Variants in CRYBB2 observed in about 807,000 individuals in gnomAD.
The protein encoded by CRYBB2 is crystallin beta B2, also known as beta-crystallin B2.
Under a neutral mutation model 24.3 loss-of-function variants are expected in CRYBB2, and 12 were observed. The ratio of observed to expected loss-of-function variants is 0.49; its 90% CI spans 0.32 to 0.80. The LOEUF is 0.80. CRYBB2 is among the 30% of genes least tolerant of loss of function. The pLI is 0.04. For synonymous variants in CRYBB2, 98 were observed against 101.6 expected (o/e 0.96, Z 0.21); for missense variants, 198 against 268.5 (o/e 0.74, Z 1.83).
intron 2 of CRYBB2, among the ~76,000 whole-genome samples, chr22:25,223,197 A>G (rs1003046542): frequency 6.6e-6 from 1 of 152,134 alleles, no homozygotes; most frequent in Admixed American, 6.6e-5. Flanking sequence ...ACTGCATTTG[A>G]TCAAGATCCC....
chr22:25,220,445 A>C (rs529474763), intron 1 of CRYBB2, among the ~76,000 whole-genome samples: 2 of 152,272 alleles, frequency 1.3e-5, no homozygotes, highest in African/African-American at 4.8e-5. Flanking sequence ...GTCTGTGAAC[A>C]CTCAGGACTG....
At position 25,231,829 on chromosome 22, in the gene CRYBB2, C is replaced by T; in HGVS notation, c.*57C>T. Reference sequence around the variant, plus strand: ...CCAGGTCTGCTGCCCAGGAACCCTCCAGACCTCCCAGAGAGTGAATAAAGT... The same window carrying T: ...CCAGGTCTGCTGCCCAGGAACCCTCTAGACCTCCCAGAGAGTGAATAAAGT... On this transcript the variant is annotated 3_prime_UTR_variant, in exon 6 of 6. Transcript: ENST00000398215. 6.6e-7 allele frequency: 1 copy of T among 1,516,264 alleles called. No homozygotes were observed. The highest frequency in any genetic ancestry group is 1.1e-5 in the South Asian group (1 of 89,112). 93.9% of individuals were successfully genotyped at this position (1,516,264 alleles called of 1,614,324 possible).
At chr22:25,226,537 A>G (rs974353266) in intron 3 of CRYBB2, among the ~76,000 whole-genome samples, 2 of 152,236 alleles carry the variant, frequency 1.3e-5, no homozygotes, top group Non-Finnish European at 2.9e-5. Flanking sequence ...GTAACAGTCC[A>G]TGATTGAATA....
chr22:25,224,877 C>G (rs1444727435), intron 2 of CRYBB2, 41 bp from the exon 3 acceptor site: 10 of 1,125,844 alleles, frequency 8.9e-6, no homozygotes, highest in Non-Finnish European at 1.4e-5. Context: ...TCTCACTCCT[C>G]TTCATCGTGA....
upstream of CRYBB2, among the ~76,000 whole-genome samples, chr22:25,218,806 G>GAA (rs1261661171): frequency 3.4e-5 from 4 of 116,868 alleles, no homozygotes; most frequent in Non-Finnish European, 5.2e-5. Flanking sequence ...AAGAAAGAAA[G>GAA]AAAGAAAGAA....
chr22:25,223,886 C>T (rs1232142552), intron 2 of CRYBB2, among the ~76,000 whole-genome samples: 4 of 151,934 alleles, frequency 2.6e-5, no homozygotes, highest in South Asian at 2.1e-4. Flanking sequence ...TTTGGGAGGC[C>T]GAGGCAGGCA....
exon 1 of CRYBB2, chr22:25,212,706 C>T (rs1366769096): frequency 6.6e-6 from 1 of 152,152 alleles, no homozygotes; most frequent in Non-Finnish European, 1.5e-5. Flanking sequence ...TGCCTATGTG[C>T]CTGGAAACTC....
chr22:25,228,981 C>G (rs867420200), intron 4 of CRYBB2, among the ~76,000 whole-genome samples: 2 of 147,140 alleles, frequency 1.4e-5, no homozygotes, highest in East Asian at 4.0e-4. Flanking sequence ...TGTGTGTGCA[C>G]GCATGTGTGG....
At position 25,221,478 on chromosome 22, in the gene CRYBB2, C is replaced by T. The variant is rs1935319765; in HGVS notation, c.49C>T (p.Pro17Ser). The T allele has an allele frequency of 6.2e-7, 1 of 1,612,590 alleles. No homozygotes were observed. Among genetic ancestry groups the T allele is most frequent in the Non-Finnish European group, 8.5e-7 (1 of 1,178,586 alleles). Residue 17 changes from proline (P) to serine (S), a missense_variant, in exon 2 of 6, where the codon CCC becomes TCC. Transcript: ENST00000398215. ...TQAGKPQSLN[P>S]KIIIFEQENF... ...GGCGGGCAAGCCACAGTCCCTCAAC[C>T]CCAAGGTGGGTACCTCTCAGAGGAG...
chr22:25,218,782 GAAAGAAAGAAAGAAAGAAAGAAAGAAAGA>G (rs1935253832), upstream of CRYBB2, among the ~76,000 whole-genome samples: 1 of 38,790 alleles, frequency 2.6e-5, no homozygotes, highest in South Asian at 1.4e-3. Flanking sequence ...AGAGAGAGAA[GAAAGAAAGAAAGAAAGAAAGAAAGAAAGA>G]AAGAAAGAAA....
At chr22:25,221,540 C>A in intron 2 of CRYBB2, 57 bp downstream of exon 2, 2 of 1,385,594 alleles carry the variant, frequency 1.4e-6, no homozygotes, top group Non-Finnish European at 1.0e-6. Flanking sequence ...CTTAGTTGCC[C>A]TTCTGTAAAA....
intron 1 of CRYBB2, chr22:25,213,331 G>A (rs1935129117): frequency 6.6e-6 from 1 of 152,008 alleles, no homozygotes; most frequent in Non-Finnish European, 1.5e-5. Flanking sequence ...TCTCCTCGTG[G>A]GAGCAAGAAG....
chr22:25,224,903 C>G lies in CRYBB2; in HGVS notation c.55-15C>G. 1 of 1,389,808 alleles carries G rather than the reference C, an allele frequency of 7.2e-7. No homozygotes were observed. The highest frequency in any genetic ancestry group is 1.0e-6 in the Non-Finnish European group (1 of 975,192). 86.1% of individuals were successfully genotyped at this position (1,389,808 alleles called of 1,614,324 possible). On this transcript the variant is annotated splice_polypyrimidine_tract_variant and intron_variant, in intron 2 of 5. Transcript: ENST00000398215. ...TTCATCGTGATGAGGGTCTGAGTCTCGCTTCCTCTTGCAGATCATCATCTT... is the reference window on the plus strand; with the variant it reads ...TTCATCGTGATGAGGGTCTGAGTCTGGCTTCCTCTTGCAGATCATCATCTT...
intron 4 of CRYBB2, among the ~76,000 whole-genome samples, chr22:25,229,029 TGCGTGC>T (rs1286884818): frequency 2.7e-5 from 4 of 145,664 alleles, no homozygotes; most frequent in Non-Finnish European, 4.5e-5. Flanking sequence ...TGCACGTGTG[TGCGTGC>T]GTGTGTGCAA....
At chr22:25,218,701 A>G (rs12160307), upstream of CRYBB2, among the ~76,000 whole-genome samples, 190 of 48,834 alleles carry the variant, frequency 3.9e-3, 1 homozygote, top group East Asian at 0.073. Flanking sequence ...AGAGAGAGAG[A>G]GAGGGGGAGA....
rs760354646 is a variant in CRYBB2 at position 25,225,020 on chromosome 22, C to G, written c.157C>G (p.Leu53Val). ...ETGVEKAGSV[L>V]VQAGPWVGYE... ...TGGCGTGGAGAAGGCAGGTTCTGTC[C>G]TAGTGCAGGCTGGACCGTAAGTACC... Residue 53 changes from leucine (L) to valine (V), a missense_variant, in exon 3 of 6, where the codon CTA becomes GTA. Leu to Val is a conservative substitution (Grantham distance 32). Transcript: ENST00000398215. 8.7e-6 allele frequency: 14 copies of G among 1,601,952 alleles called. No individual in the cohort carries two copies. Among genetic ancestry groups the G allele is most frequent in the Non-Finnish European group, 1.2e-5 (14 of 1,168,808 alleles).
At chr22:25,213,382 A>G (rs961538161) in intron 1 of CRYBB2, 4 of 152,138 alleles carry the variant, frequency 2.6e-5, no homozygotes, top group African/African-American at 9.7e-5. Flanking sequence ...CTCTCTATGT[A>G]TCTGTCAGGC....
chr22:25,218,814 G>GAAAGAA (rs1555888312), upstream of CRYBB2, among the ~76,000 whole-genome samples: 2 of 126,336 alleles, frequency 1.6e-5, no homozygotes, highest in Admixed American at 1.5e-4. Flanking sequence ...AAGAAAGAAA[G>GAAAGAA]AAAGAAAGAA....
intron 1 of CRYBB2, among the ~76,000 whole-genome samples, chr22:25,214,329 C>A (rs1339207076): frequency 6.6e-6 from 1 of 152,188 alleles, no homozygotes. Context: ...CAGAGCAAGA[C>A]CCTATCTCAA....
Sources: allele counts gnomAD v4.1 joint callset (sites outside exome capture counted in the v4.1 genomes callset), GRCh38; gene constraint gnomAD v4.1.1; transcripts MANE v1.5; gene names NCBI Gene and HGNC (gene_info 2026-07-23, HGNC 2026-07-21).